Variants in TASP1 observed in about 807,000 individuals in gnomAD.
The protein encoded by TASP1 is threonine aspartase 1.
In TASP1, 16 loss-of-function variants were observed where a neutral mutation model predicts 56.6. The observed-to-expected ratio is 0.28, with a 90% CI of 0.19 to 0.43. TASP1 has a LOEUF of 0.43. TASP1 is among the 20% of genes least tolerant of loss of function. The probability of loss-of-function intolerance (pLI) is 1.00; values close to 1 mark genes in which losing one functional copy is unlikely to be tolerated. For synonymous variants in TASP1, 179 were observed against 184.2 expected (o/e 0.97, Z 0.23); for missense variants, 393 against 511.6 (o/e 0.77, Z 2.24).
intron 11 of TASP1, among the ~76,000 whole-genome samples, chr20:13,471,460 T>C (rs2044488360): frequency 6.6e-6 from 1 of 152,102 alleles, no homozygotes; most frequent in African/African-American, 2.4e-5. Context: ...TAATTCCATG[T>C]CCTTCAGAAT....
At chr20:13,219,241 CAA>C in the TASP1 span, among the ~76,000 whole-genome samples, 1 of 152,180 alleles carries the variant, frequency 6.6e-6, no homozygotes, top group African/African-American at 2.4e-5. Context: ...GAGGTTAGAA[CAA>C]TCCTTAAAAC....
chr20:13,242,268 C>A, the TASP1 span, among the ~76,000 whole-genome samples: 1 of 152,102 alleles, frequency 6.6e-6, no homozygotes. Context: ...GAAGACTAAG[C>A]CAGAAGCTGG....
At chr20:13,149,448 A>G in the TASP1 span, among the ~76,000 whole-genome samples, 5 of 152,232 alleles carry the variant, frequency 3.3e-5, no homozygotes, top group Non-Finnish European at 7.3e-5. Flanking sequence ...AGCGTTTTAT[A>G]GGTACAAATT....
intron 7 of TASP1, among the ~76,000 whole-genome samples, chr20:13,559,875 T>C (rs576309662): frequency 1.3e-5 from 2 of 152,116 alleles, no homozygotes; most frequent in African/African-American, 4.8e-5. Flanking sequence ...ATAAAACACA[T>C]AAGAGATAAA....
chr20:13,208,848 A>T, the TASP1 span, among the ~76,000 whole-genome samples: 4 of 152,190 alleles, frequency 2.6e-5, no homozygotes, highest in Non-Finnish European at 4.4e-5. Context: ...TGGCAAAACC[A>T]CCCAACAAAC....
intron 10 of TASP1, among the ~76,000 whole-genome samples, chr20:13,489,490 G>A (rs927326537): frequency 1.3e-5 from 2 of 151,706 alleles, no homozygotes; most frequent in African/African-American, 4.9e-5. Context: ...TGAGCATCAA[G>A]GACCATCCAT....
intron 5 of TASP1, among the ~76,000 whole-genome samples, chr20:13,583,040 C>T (rs2047180810): frequency 6.6e-6 from 1 of 152,220 alleles, no homozygotes; most frequent in African/African-American, 2.4e-5. Context: ...TTTTCTCCAG[C>T]TCCTGATTTG....
At chr20:13,306,564 CAA>C in the TASP1 span, among the ~76,000 whole-genome samples, 19,347 of 63,562 alleles carry the variant, frequency 0.3, 729 homozygotes, top group Middle Eastern at 0.44. Context: ...GGAGAAAGGA[CAA>C]AAAAAAAAAA....
At chr20:13,129,977 G>T in the TASP1 span, among the ~76,000 whole-genome samples, 5 of 152,084 alleles carry the variant, frequency 3.3e-5, no homozygotes, top group East Asian at 7.7e-4. Flanking sequence ...GTATGGTCTG[G>T]TTTTTTTAGA....
chr20:13,482,536 C>T (rs1272099146), intron 11 of TASP1, among the ~76,000 whole-genome samples: 1 of 152,134 alleles, frequency 6.6e-6, no homozygotes, highest in African/African-American at 2.4e-5. Context: ...CCAATCCATA[C>T]ACATGAAGTA....
chr20:13,330,572 G>C, the TASP1 span, among the ~76,000 whole-genome samples: 1 of 152,168 alleles, frequency 6.6e-6, no homozygotes, highest in Admixed American at 6.5e-5. Context: ...TCCTAGAGGA[G>C]ATCATGTAGA....
At chr20:13,463,020 T>A (rs917177376) in intron 11 of TASP1, among the ~76,000 whole-genome samples, 4 of 151,892 alleles carry the variant, frequency 2.6e-5, no homozygotes, top group Non-Finnish European at 5.9e-5. Flanking sequence ...AAAACACCCA[T>A]CCAAAAATTT....
chr20:13,624,757 G>C (rs1393270054), intron 3 of TASP1, among the ~76,000 whole-genome samples: 1 of 152,166 alleles, frequency 6.6e-6, no homozygotes, highest in Non-Finnish European at 1.5e-5. Context: ...GAATGACAAT[G>C]AACTTGCTAT....
chr20:13,256,878 C>T, the TASP1 span, among the ~76,000 whole-genome samples: 1 of 152,046 alleles, frequency 6.6e-6, no homozygotes, highest in Non-Finnish European at 1.5e-5. Context: ...AGTGTTTGAG[C>T]AAGGCTGGCA....
chr20:13,177,657 A>G, the TASP1 span, among the ~76,000 whole-genome samples: 2 of 152,160 alleles, frequency 1.3e-5, no homozygotes, highest in Non-Finnish European at 2.9e-5. Flanking sequence ...AACACTATTT[A>G]GGGAAAGGAC....
intron 10 of TASP1, among the ~76,000 whole-genome samples, chr20:13,498,379 G>GTGTGTGTGTGTGT (rs2043814543): frequency 7.3e-6 from 1 of 137,732 alleles, no homozygotes. Context: ...GTGTGTGTGT[G>GTGTGTGTGTGTGT]ATGGAGTCTC....
At chr20:13,567,461 A>T (rs965190639) in intron 7 of TASP1, among the ~76,000 whole-genome samples, 1 of 152,132 alleles carries the variant, frequency 6.6e-6, no homozygotes, top group African/African-American at 2.4e-5. Context: ...AAATACAGAA[A>T]ATGTGAAGGA....
intron 4 of TASP1, among the ~76,000 whole-genome samples, chr20:13,611,797 A>G (rs1221741647): frequency 6.6e-6 from 1 of 152,236 alleles, no homozygotes; most frequent in Admixed American, 6.5e-5. Context: ...TGCATGCTCC[A>G]TGTGGCCAGA....
the TASP1 span, among the ~76,000 whole-genome samples, chr20:13,108,935 G>A: frequency 1.3e-5 from 2 of 152,144 alleles, no homozygotes; most frequent in African/African-American, 4.8e-5. Context: ...ATTGGATTCT[G>A]GACCTAAGTA....
Sources: allele counts gnomAD v4.1 joint callset (sites outside exome capture counted in the v4.1 genomes callset), GRCh38; gene constraint gnomAD v4.1.1; transcripts MANE v1.5; gene names NCBI Gene and HGNC (gene_info 2026-07-23, HGNC 2026-07-21).